Variants in PCDHGB3 observed in about 807,000 individuals in gnomAD.
The protein encoded by PCDHGB3 is protocadherin gamma-B3.
A neutral mutation model predicts 59.2 loss-of-function variants in PCDHGB3; 40 were observed. The observed-to-expected ratio is 0.68, with a 90% CI of 0.52 to 0.88. The LOEUF is 0.88. PCDHGB3 is among the 40% of genes least tolerant of loss of function. PCDHGB3 has a pLI of 0.00. For synonymous variants in PCDHGB3, 581 were observed against 503.6 expected (o/e 1.15, Z -2.06); for missense variants, 1,309 against 1,187.9 (o/e 1.10, Z -1.50).
intron 1 of PCDHGB3, chr5:141,428,388 C>G (rs1299321513): frequency 4.0e-6 from 2 of 506,160 alleles, no homozygotes; most frequent in Non-Finnish European, 7.3e-6. Context: ...GCTCTTCCAG[C>G]CCCTCTGCCT....
chr5:141,467,057 T>TG, intron 1 of PCDHGB3, among the ~76,000 whole-genome samples: 1 of 144,752 alleles, frequency 6.9e-6, no homozygotes, highest in Non-Finnish European at 1.5e-5. Context: ...AATGTTTTCT[T>TG]TTTTTTTTTT....
chr5:141,442,119 C>T (rs563017984), intron 1 of PCDHGB3: 1 of 166,262 alleles, frequency 6.0e-6, no homozygotes, highest in African/African-American at 2.4e-5. Context: ...CCCCTCGTCG[C>T]CGACAGCCTG....
In PCDHGB3 at chr5:141,432,967, G is replaced by T; in HGVS notation, c.2415+60158G>T. ...CAGGAGGCGGCTTGACAGGAGCGCC[G>T]GCGTCGCACTTTGTGGGCGTGGACG... On this transcript the variant is annotated intron_variant, in intron 1 of 3. Coordinates refer to ENST00000576222, the MANE Select transcript of PCDHGB3 (RefSeq NM_018924.5). The surrounding 1 kb of genome is among the most constrained non-coding windows in gnomAD (Gnocchi z 6.0). 1 of 1,614,190 alleles carries T rather than the reference G, an allele frequency of 6.2e-7. No homozygotes were observed. The highest frequency in any genetic ancestry group is 2.2e-5 in the East Asian group (1 of 44,854).
At chr5:141,415,885 C>G in intron 1 of PCDHGB3, 2 of 979,016 alleles carry the variant, frequency 2.0e-6, no homozygotes, top group Non-Finnish European at 2.7e-6. Flanking sequence ...ACAATATTGA[C>G]AATTCCTAAG....
At chr5:141,384,808 G>A in intron 1 of PCDHGB3, 3 of 1,613,484 alleles carry the variant, frequency 1.9e-6, no homozygotes, top group Non-Finnish European at 2.5e-6. Flanking sequence ...GGACAGAGAT[G>A]CCCTCAAGCA....
intron 1 of PCDHGB3, chr5:141,421,255 C>A (rs759899934): frequency 1.9e-6 from 3 of 1,607,644 alleles, no homozygotes; most frequent in Non-Finnish European, 2.5e-6. Context: ...GCGCGGGGAC[C>A]GCAGTCGGCT....
chr5:141,423,517 T>A (rs750915364), intron 1 of PCDHGB3: 1 of 1,613,834 alleles, frequency 6.2e-7, no homozygotes, highest in Admixed American at 1.7e-5. Context: ...CATTGCGGAC[T>A]CGCAGAAGAG....
intron 1 of PCDHGB3, chr5:141,422,139 A>G (rs2096627272): frequency 6.3e-7 from 1 of 1,588,154 alleles, no homozygotes. Context: ...AAGTTCAAGT[A>G]CGGGGGTCTC....
intron 1 of PCDHGB3, chr5:141,385,151 A>T: frequency 6.2e-7 from 1 of 1,614,224 alleles, no homozygotes; most frequent in Non-Finnish European, 8.5e-7. Context: ...GCTTTCCTGC[A>T]GACCTATTCC....
At chr5:141,409,352 T>G in intron 1 of PCDHGB3, 1 of 1,613,980 alleles carries the variant, frequency 6.2e-7, no homozygotes, top group Non-Finnish European at 8.5e-7. Flanking sequence ...AGAAGTCAGG[T>G]GTAATATAGA....
chr5:141,409,990 C>T (rs377295503), intron 1 of PCDHGB3: 1 of 1,613,160 alleles, frequency 6.2e-7, no homozygotes, highest in Non-Finnish European at 8.5e-7. Flanking sequence ...CGGTGGACGC[C>T]GACTCGGGAC....
intron 1 of PCDHGB3, chr5:141,388,461 G>C (rs1423485997): frequency 6.2e-7 from 1 of 1,613,762 alleles, no homozygotes; most frequent in Admixed American, 1.7e-5. Context: ...TAAATACCCT[G>C]AGATGGTATT....
At chr5:141,443,874 A>G (rs2098409122) in intron 1 of PCDHGB3, among the ~76,000 whole-genome samples, 1 of 152,190 alleles carries the variant, frequency 6.6e-6, no homozygotes, top group Non-Finnish European at 1.5e-5. Flanking sequence ...AATTACTGAT[A>G]AGTCAAGAGA....
At chr5:141,377,665 G>A (rs1040007479) in intron 1 of PCDHGB3, 1 of 151,618 alleles carries the variant, frequency 6.6e-6, no homozygotes, top group Non-Finnish European at 1.5e-5. Flanking sequence ...AACGACAGAC[G>A]TTCATACAAG....
chr5:141,409,756 C>G, intron 1 of PCDHGB3: 1 of 1,612,994 alleles, frequency 6.2e-7, no homozygotes, highest in Non-Finnish European at 8.5e-7. Context: ...TCGCGCAGCG[C>G]GCCTTTGATC....
chr5:141,379,238 A>C (rs1775465373), intron 1 of PCDHGB3: 1 of 152,242 alleles, frequency 6.6e-6, no homozygotes, highest in Non-Finnish European at 1.5e-5. Flanking sequence ...CTGAACCAAT[A>C]TTGTGGTATT....
chr5:141,375,834 C>G lies in PCDHGB3; in HGVS notation c.2415+3025C>G, dbSNP rs1167436208. On this transcript the variant is annotated intron_variant, in intron 1 of 3. Transcript: ENST00000576222. ...GAGCTGGCGCCCCGCTCCGCAGAGC[C>G]CGGCTACCTGGTGACCAAGGTGGTG... is the stretch of plus-strand genomic sequence containing the variant. The G allele has an allele frequency of 2.1e-5, 34 of 1,614,138 alleles. No individual in the cohort carries two copies. The highest frequency in any genetic ancestry group is 2.7e-5 in the African/African-American group (2 of 75,080).
chr5:141,423,923 G>A (rs2096790975), intron 1 of PCDHGB3: 2 of 1,254,626 alleles, frequency 1.6e-6, no homozygotes, highest in African/African-American at 1.6e-5. Flanking sequence ...CAACTATGCT[G>A]GTTTGGTTTG....
intron 1 of PCDHGB3, among the ~76,000 whole-genome samples, chr5:141,456,033 G>A (rs1398584179): frequency 6.6e-6 from 1 of 151,884 alleles, no homozygotes; most frequent in Non-Finnish European, 1.5e-5. Flanking sequence ...GAGTAGCTGG[G>A]ACTACAGGCG....
Sources: allele counts gnomAD v4.1 joint callset (sites outside exome capture counted in the v4.1 genomes callset), GRCh38; gene constraint gnomAD v4.1.1; non-coding constraint Gnocchi (gnomAD v3.1); transcripts MANE v1.5; gene names NCBI Gene and HGNC (gene_info 2026-07-23, HGNC 2026-07-21).